MLXIP: variants seen among roughly 807,000 people sequenced by gnomAD.
MLXIP encodes MLX interacting protein.
In MLXIP, 30 loss-of-function variants were observed where a neutral mutation model predicts 87.2. That is an observed-to-expected ratio of 0.34 (90% CI 0.26 to 0.47). The LOEUF (loss-of-function observed/expected upper bound fraction) is 0.47. Among genes scored for constraint, MLXIP ranks in the 20% least tolerant of loss-of-function variants. The pLI, the probability that MLXIP is intolerant of heterozygous loss-of-function variation, is 1.00. For synonymous variants in MLXIP, 530 were observed against 514.0 expected, an observed-to-expected ratio of 1.03 and a Z score of -0.42; for missense variants, 1,002 against 1,240.1, an observed-to-expected ratio of 0.81 and a Z score of 2.88.
rs1953075013 is a variant in MLXIP at position 122,135,584 on chromosome 12, A to G, written c.1950A>G (p.Pro650=). 1 of 1,593,658 alleles carries G rather than the reference A, an allele frequency of 6.3e-7. No homozygotes were observed. The highest frequency in any genetic ancestry group is 1.3e-5 in the African/African-American group (1 of 74,626). Residue 650 remains proline (P), a synonymous_variant, in exon 11 of 17, where the codon CCA becomes CCG. Transcript: ENST00000319080. This position sits in a 1 kb window ranked among gnomAD's most constrained non-coding sequence, Gnocchi z 5.3. The part of the protein sequence containing the change: ...SPPAPVSRLF[P]STAQDPLGKG... ...CTGCCCCCGTCTCCCGGCTCTTCCC[A>G]AGCACAGCGCAAGACCCCCTGGGGA...
At position 122,080,961 on chromosome 12, in the gene MLXIP, T is replaced by G. The variant is rs775869065; in HGVS notation, c.413+1695T>G. Among the ~76,000 whole-genome samples, 21 of 151,842 alleles carry G rather than the reference T, an allele frequency of 1.4e-4. 1 individual carries two copies. Among genetic ancestry groups the G allele is most frequent in the Admixed American group, 1.3e-4 (2 of 15,248 alleles). On this transcript the variant is annotated intron_variant, in intron 1 of 16. Coordinates refer to ENST00000319080, the MANE Select transcript of MLXIP (RefSeq NM_014938.6). ...GAGAATGGATGAGTCACGGGGGGCATGGACTGGAAAGGTCTCACCTAAGTA... is the reference window on the plus strand; with the variant it reads ...GAGAATGGATGAGTCACGGGGGGCAGGGACTGGAAAGGTCTCACCTAAGTA...
chr12:122,136,803 G>A (rs1165944673), intron 11 of MLXIP: 1 of 152,218 alleles, frequency 6.6e-6, no homozygotes, highest in Non-Finnish European at 1.5e-5. Context: ...TGGAAAGATA[G>A]AAACAAGAGA....
intron 1 of MLXIP, among the ~76,000 whole-genome samples, chr12:122,094,523 GT>G (rs1952315449): frequency 2.8e-5 from 4 of 141,426 alleles, no homozygotes; most frequent in Non-Finnish European, 6.1e-5. Context: ...GTTGGTGTGT[GT>G]GTTGTGTGTG....
chr12:122,078,840 GC>G lies in MLXIP; in HGVS notation c.-12del. 1 of 1,066,030 alleles carries G rather than the reference GC, an allele frequency of 9.4e-7. No individual in the cohort carries two copies. The highest frequency in any genetic ancestry group is 3.9e-5 in the South Asian group (1 of 25,398). 66.0% of individuals were successfully genotyped at this position (1,066,030 alleles called of 1,614,324 possible). A position where few individuals can be genotyped will look rare whatever the true frequency, so the allele number is the denominator to read the frequency against. Reference sequence around the variant, plus strand: ...CCCCGGGCTCCGGGGGATGCCCCCGGCCGAGCCCTTCTCATGGCCGCCGACG... The same window carrying G: ...CCCCGGGCTCCGGGGGATGCCCCCGGCGAGCCCTTCTCATGGCCGCCGACG... On this transcript the variant is annotated 5_prime_UTR_variant, in exon 1 of 17. Coordinates refer to ENST00000319080, the MANE Select transcript of MLXIP (RefSeq NM_014938.6).
chr12:122,134,897 C>G, intron 9 of MLXIP: 1 of 349,488 alleles, frequency 2.9e-6, no homozygotes. Context: ...TGGTCTCGAA[C>G]TCCTGACCTC....
intron 1 of MLXIP, among the ~76,000 whole-genome samples, chr12:122,112,925 T>A (rs1168780910): frequency 6.6e-6 from 1 of 152,124 alleles, no homozygotes; most frequent in Non-Finnish European, 1.5e-5. Context: ...TTTCAAAGTC[T>A]TAGGCTAGGA....
At chr12:122,100,238 C>T (rs1194506503) in intron 1 of MLXIP, among the ~76,000 whole-genome samples, 1 of 152,158 alleles carries the variant, frequency 6.6e-6, no homozygotes, top group African/African-American at 2.4e-5. Flanking sequence ...GTGAATGGAT[C>T]TAAAATGACT....
At position 122,119,172 on chromosome 12, in the gene MLXIP, AAAC is replaced by A. The variant is rs1253246092; in HGVS notation, c.414-8081_414-8079del. 4.8e-4 allele frequency among the ~76,000 whole-genome samples: 72 copies of A among 150,218 alleles called. 1 individual carries two copies. The highest frequency in any genetic ancestry group is 1.7e-3 in the African/African-American group (67 of 40,242). On this transcript the variant is annotated intron_variant, in intron 1 of 16. Coordinates refer to ENST00000319080, the MANE Select transcript of MLXIP (RefSeq NM_014938.6). ...GACAGAGTGAGACTCTGTCTCAAAA[AAAC>A]AAACAAAACAAAACAAAACAAAACA...
intron 1 of MLXIP, among the ~76,000 whole-genome samples, chr12:122,121,376 C>T (rs4132932): frequency 0.22 from 30,479 of 140,502 alleles, 3,407 homozygotes; most frequent in East Asian, 0.3. Flanking sequence ...AGTGCAGCGG[C>T]GAGGTCTCAG....
At position 122,131,441 on chromosome 12, in the gene MLXIP, C is replaced by CTTTTTTT. The variant is rs1174308802; in HGVS notation, c.1000+527_1000+533dup. The stretch of plus-strand genomic sequence containing the variant: ...GGTTTAGTCCTTGATTTGTTTGAGT[C>CTTTTTTT]TTTTTTTTTTTTTTTTTTTTTTTTT... On this transcript the variant is annotated intron_variant, in intron 7 of 16. Coordinates refer to ENST00000319080, the MANE Select transcript of MLXIP (RefSeq NM_014938.6). Among the ~76,000 whole-genome samples the CTTTTTTT allele has an allele frequency of 2.8e-3, 212 of 76,572 alleles. 8 individuals are homozygous for CTTTTTTT. Among genetic ancestry groups the CTTTTTTT allele is most frequent in the African/African-American group, 7.5e-3 (147 of 19,568 alleles). 50.2% of individuals were successfully genotyped at this position (76,572 alleles called of 152,430 possible).
chr12:122,126,723 G>A (rs1171753625), intron 1 of MLXIP, among the ~76,000 whole-genome samples: 5 of 152,140 alleles, frequency 3.3e-5, no homozygotes, highest in Non-Finnish European at 7.3e-5. Flanking sequence ...CAAAGTAGAC[G>A]GAAGAATGTA....
rs746979317 is a variant in MLXIP, at chr12:122,127,242, G to C, written c.414-14G>C. Reference sequence around the variant, plus strand: ...AGTAACCACTGAGTCTCCCCGCTTTGCCTTGCCTTTCAGTGGGAAGTTGGT... The same window carrying C: ...AGTAACCACTGAGTCTCCCCGCTTTCCCTTGCCTTTCAGTGGGAAGTTGGT... On this transcript the variant is annotated splice_polypyrimidine_tract_variant and intron_variant, in intron 1 of 16. Transcript: ENST00000319080. 48 of 1,603,172 alleles carry C rather than the reference G, an allele frequency of 3.0e-5. No homozygotes were observed. The Middle Eastern group carries it at 8.3e-4, about 28-fold the overall frequency.
intron 1 of MLXIP, among the ~76,000 whole-genome samples, chr12:122,115,589 A>C (rs1219441074): frequency 3.1e-4 from 1 of 3,240 alleles, no homozygotes. Flanking sequence ...ACTCCTTCTC[A>C]AAAAAAAAAA....
Position 122,138,543 on chromosome 12 carries a change from C to T in MLXIP, c.2376C>T (p.Ala792=). 1 of 1,611,672 alleles carries T rather than the reference C, an allele frequency of 6.2e-7. No homozygotes were observed. The highest frequency in any genetic ancestry group is 1.8e-4 in the Middle Eastern group (1 of 5,704). The change falls in exon 14 of 17, where the codon GCC becomes GCT. Residue 792 remains alanine (A), a synonymous_variant. Coordinates refer to ENST00000319080, the MANE Select transcript of MLXIP (RefSeq NM_014938.6). ...RLREEIEELN[A]TIISCQQLLP... is the part of the protein sequence containing the mutation. The stretch of plus-strand genomic sequence containing the variant: ...GGGAGGAGATCGAGGAGCTCAATGC[C>T]ACCATCATGTGAGCTTCTGGGCCTT...
At chr12:122,117,960 C>CTGCA (rs1341444864) in intron 1 of MLXIP, among the ~76,000 whole-genome samples, 1 of 152,214 alleles carries the variant, frequency 6.6e-6, no homozygotes, top group Non-Finnish European at 1.5e-5. Flanking sequence ...AAGTTGAGAA[C>CTGCA]TTGCACCTTT....
intron 16 of MLXIP, 33 bp from the exon 17 acceptor site, chr12:122,141,658 C>T: frequency 6.8e-6 from 11 of 1,609,652 alleles, no homozygotes; most frequent in Non-Finnish European, 9.3e-6. Context: ...GGGTCTGTGT[C>T]ACTGCCTGTG....
At chr12:122,127,843 T>C in intron 2 of MLXIP, 40 bp from the exon 3 acceptor site, 1 of 1,569,072 alleles carries the variant, frequency 6.4e-7, no homozygotes, top group Non-Finnish European at 8.8e-7. Context: ...CCCTCAGGGG[T>C]CTGGATCATG....
In MLXIP at chr12:122,078,934, C is replaced by A; in HGVS notation, c.81C>A (p.Ser27=). 3 of 1,122,494 alleles carry A rather than the reference C, an allele frequency of 2.7e-6. No homozygotes were observed. Among genetic ancestry groups the A allele is most frequent in the Non-Finnish European group, 3.3e-6 (3 of 912,910 alleles). The allele number at this position is 1,122,494 out of a possible 1,614,324, so 69.5% of individuals were successfully genotyped here. ...AGGTGCTGCTCAAGCCCCAGGTGTC[C>A]GAGGACGACGACGACTCGGACACGG... ...GRQVLLKPQV[S]EDDDDSDTDE... Residue 27 remains serine (S), a synonymous_variant, in exon 1 of 17, where the codon TCC becomes TCA. Transcript: ENST00000319080.
At position 122,084,690 on chromosome 12, in the gene MLXIP, G is replaced by C. The variant is rs1278078743; in HGVS notation, c.413+5424G>C. On this transcript the variant is annotated intron_variant, in intron 1 of 16. Coordinates refer to ENST00000319080, the MANE Select transcript of MLXIP (RefSeq NM_014938.6). ...GCTTTCCAAGTAGCTGGGATTACAGGTATGCATCACCATGCCCAGCTAAGT... is the reference window on the plus strand; with the variant it reads ...GCTTTCCAAGTAGCTGGGATTACAGCTATGCATCACCATGCCCAGCTAAGT... Among the ~76,000 whole-genome samples the C allele has an allele frequency of 2.6e-5, 4 of 152,102 alleles. No homozygotes were observed. In the East Asian group the frequency reaches 7.7e-4, roughly 29 times the overall value.
Sources: gnomAD v4.1 joint callset for allele counts (sites outside exome capture counted in the v4.1 genomes callset) on GRCh38, gnomAD v4.1.1 for gene constraint, Gnocchi (gnomAD v3.1) non-coding constraint, MANE v1.5 for transcripts, NCBI Gene and HGNC (gene_info 2026-07-23, HGNC 2026-07-21) for gene names.